CXCL16: variants seen among roughly 807,000 people sequenced by gnomAD.
CXCL16 encodes the protein C-X-C motif chemokine 16.
A neutral mutation model predicts 23.8 loss-of-function variants in CXCL16; 18 were observed. The observed-to-expected ratio is 0.76, with a 90% CI of 0.52 to 1.12. The LOEUF is 1.12. CXCL16 is among the 50% of genes most tolerant of loss of function. The pLI is 0.00. For missense variants in CXCL16, 297 were observed against 315.4 expected (o/e 0.94, Z 0.44); for synonymous variants, 123 against 132.5 (o/e 0.93, Z 0.49).
At chr17:4,737,088 A>T (rs1916175141) in intron 3 of CXCL16, among the ~76,000 whole-genome samples, 1 of 152,080 alleles carries the variant, frequency 6.6e-6, no homozygotes, top group Non-Finnish European at 1.5e-5. Flanking sequence ...AAGAGCTAGG[A>T]TTACAGGAGT....
chr17:4,738,201 G>A lies in CXCL16; in HGVS notation c.301+207C>T, dbSNP rs572975225. Among the ~76,000 whole-genome samples the A allele has an allele frequency of 6.6e-6, 1 of 152,192 alleles. No individual in the cohort carries two copies. Among genetic ancestry groups the A allele is most frequent in the African/African-American group, 2.4e-5 (1 of 41,442 alleles). On this transcript the variant is annotated intron_variant, in intron 3 of 5. Transcript: ENST00000293778. The surrounding 1 kb of genome is among the most constrained non-coding windows in gnomAD (Gnocchi z 4.0). ...TAAGTAGACAATAGCACACGTGGTA[G>A]AATGAATTGGCAAAACTCATGAAGG... is the stretch of plus-strand genomic sequence containing the variant.
At position 4,738,974 on chromosome 17, in the gene CXCL16, C is replaced by A. The variant is rs1013773918; in HGVS notation, c.80-54G>T. The A allele has an allele frequency of 6.3e-7, 1 of 1,592,864 alleles. No homozygotes were observed. Among genetic ancestry groups the A allele is most frequent in the Non-Finnish European group, 8.6e-7 (1 of 1,169,476 alleles). On this transcript the variant is annotated intron_variant, in intron 1 of 5. Coordinates refer to ENST00000293778, the MANE Select transcript of CXCL16 (RefSeq NM_001386809.1). The surrounding 1 kb of genome is among the most constrained non-coding windows in gnomAD (Gnocchi z 4.0). ...ATTCCCAGGCCCAGGGTCCCCACTC[C>A]GCTGTTCCCTGGCATCCAATCCACA...
At chr17:4,734,680 G>A in intron 4 of CXCL16, 28 bp from the exon 5 acceptor site, 1 of 1,584,796 alleles carries the variant, frequency 6.3e-7, no homozygotes, top group Non-Finnish European at 8.7e-7. Context: ...ATTGAGAGAT[G>A]AGCTCTGAGA....
At chr17:4,736,104 G>A (rs1916151717) in intron 3 of CXCL16, among the ~76,000 whole-genome samples, 1 of 151,594 alleles carries the variant, frequency 6.6e-6, no homozygotes, top group South Asian at 2.1e-4. Context: ...GGACAAAAAG[G>A]GTATGATCTA....
At position 4,738,995 on chromosome 17, in the gene CXCL16, C is replaced by G; in HGVS notation, c.80-75G>C. Reference sequence around the variant, plus strand: ...ACTCCGCTGTTCCCTGGCATCCAATCCACAGCCCCATGACAGCCTCTCGGT... The same window carrying G: ...ACTCCGCTGTTCCCTGGCATCCAATGCACAGCCCCATGACAGCCTCTCGGT... On this transcript the variant is annotated intron_variant, in intron 1 of 5. Coordinates refer to ENST00000293778, the MANE Select transcript of CXCL16 (RefSeq NM_001386809.1). The surrounding 1 kb of genome is among the most constrained non-coding windows in gnomAD (Gnocchi z 4.0). 1 of 1,551,328 alleles carries G rather than the reference C, an allele frequency of 6.4e-7. No homozygotes were observed. The highest frequency in any genetic ancestry group is 1.2e-5 in the South Asian group (1 of 83,642).
intron 3 of CXCL16, among the ~76,000 whole-genome samples, chr17:4,737,575 T>TAAAAAAAAAAA (rs55694753): frequency 7.1e-5 from 3 of 42,038 alleles, no homozygotes; most frequent in Non-Finnish European, 1.3e-4. Context: ...AAGACTCCAT[T>TAAAAAAAAAAA]AAAAAAAAAA....
chr17:4,738,619 G>T lies in CXCL16; in HGVS notation c.219-129C>A. 1 of 986,882 alleles carries T rather than the reference G, an allele frequency of 1.0e-6. No homozygotes were observed. The highest frequency in any genetic ancestry group is 1.5e-6 in the Non-Finnish European group (1 of 660,926). The allele number at this position is 986,882 out of a possible 1,614,324, so 61.1% of individuals were successfully genotyped here. A position where few individuals can be genotyped will look rare whatever the true frequency, so the allele number is the denominator to read the frequency against. ...CCTGGGACTGGGAAACTCCCCAGTA[G>T]GTGAGACGGAGTCATGAAGTTTCGG... On this transcript the variant is annotated intron_variant, in intron 2 of 5. Transcript: ENST00000293778. The surrounding 1 kb of genome is among the most constrained non-coding windows in gnomAD (Gnocchi z 4.0).
At chr17:4,736,251 A>G (rs1916154935) in intron 3 of CXCL16, 1 of 60,750 alleles carries the variant, frequency 1.6e-5, no homozygotes, top group Admixed American at 2.1e-4. Flanking sequence ...CTTTATGGCC[A>G]GCTCTCACAG....
chr17:4,734,996 AAGGCC>A, intron 4 of CXCL16, 91 bp downstream of exon 4: 1 of 1,226,400 alleles, frequency 8.2e-7, no homozygotes, highest in Non-Finnish European at 1.1e-6. Context: ...CTTGTGTGCC[AAGGCC>A]AGGTTTCCAG....
intron 3 of CXCL16, chr17:4,736,475 G>T (rs544908600): frequency 5.3e-5 from 8 of 152,342 alleles, no homozygotes; most frequent in African/African-American, 1.9e-4. Flanking sequence ...TCATGAACTG[G>T]GAAATCAGAA....
Position 4,739,352 on chromosome 17 carries a change from C to T in CXCL16, c.-13G>A, listed in dbSNP as rs138561221. 1.2e-5 allele frequency: 20 copies of T among 1,612,938 alleles called. No individual in the cohort carries two copies. The highest frequency in any genetic ancestry group is 1.2e-4 in the South Asian group (11 of 90,988). On this transcript the variant is annotated 5_prime_UTR_variant, in exon 1 of 6. Transcript: ENST00000293778. This position sits in a 1 kb window ranked among gnomAD's most constrained non-coding sequence, Gnocchi z 5.3. ...AGTCCCGTCCCATCTCGGGGCTCCG[C>T]GGACTCTGCGGGGATGGAGCCACCT...
Position 4,734,419 on chromosome 17 carries a change from A to C in CXCL16, c.*84T>G. 1 of 511,514 alleles carries C rather than the reference A, an allele frequency of 2.0e-6. No individual in the cohort carries two copies. Among genetic ancestry groups the C allele is most frequent in the Non-Finnish European group, 3.6e-6 (1 of 278,366 alleles). The allele number at this position is 511,514 out of a possible 1,614,324, so 31.7% of individuals were successfully genotyped here. ...ATAATCCTCGCACCTTCAGAGGCCA[A>C]GGTGGGAGGATCACTTGACTCAGGA... On this transcript the variant is annotated 3_prime_UTR_variant, in exon 6 of 6. Coordinates refer to ENST00000293778, the MANE Select transcript of CXCL16 (RefSeq NM_001386809.1).
At chr17:4,736,077 A>C (rs1916150304) in intron 3 of CXCL16, among the ~76,000 whole-genome samples, 1 of 131,512 alleles carries the variant, frequency 7.6e-6, no homozygotes, top group Admixed American at 8.5e-5. Context: ...TCTCAAAAAA[A>C]AAAAAGAAGT....
rs189927576 is a variant in CXCL16 at position 4,739,473 on chromosome 17, G to A, written c.-134C>T. The A allele has an allele frequency of 9.0e-5, 122 of 1,352,782 alleles. No individual in the cohort carries two copies. In the African/African-American group the frequency reaches 1.5e-3, roughly 16 times the overall value. 83.8% of individuals were successfully genotyped at this position (1,352,782 alleles called of 1,614,324 possible). A position where few individuals can be genotyped will look rare whatever the true frequency, so the allele number is the denominator to read the frequency against. ...GGAGGAGACGGCGGCCGGAGAGGAGGCGCGAGCCAGCTGCACCCCCCGGCC... is the reference window on the plus strand; with the variant it reads ...GGAGGAGACGGCGGCCGGAGAGGAGACGCGAGCCAGCTGCACCCCCCGGCC... On this transcript the variant is annotated 5_prime_UTR_variant, in exon 1 of 6. Transcript: ENST00000293778. The surrounding 1 kb of genome is among the most constrained non-coding windows in gnomAD (Gnocchi z 5.3).
At chr17:4,734,730 A>C (rs1916100513) in intron 4 of CXCL16, 78 bp from the exon 5 acceptor site, 2 of 1,219,790 alleles carry the variant, frequency 1.6e-6, no homozygotes, top group Admixed American at 3.4e-5. Flanking sequence ...TGAACTAGGG[A>C]ATCAGATGAA....
At position 4,734,450 on chromosome 17, in the gene CXCL16, A is replaced by AT. The variant is rs1916089683; in HGVS notation, c.*52dup. ...GAGGATCACTTGACTCAGGAGTTCC[A>AT]TAACAGCCTGGGCAACATAGAGTCC... On this transcript the variant is annotated 3_prime_UTR_variant, in exon 6 of 6. Transcript: ENST00000293778. 1.8e-6 allele frequency: 1 copy of AT among 570,110 alleles called. No homozygotes were observed. The highest frequency in any genetic ancestry group is 1.9e-5 in the African/African-American group (1 of 53,768). 35.3% of individuals were successfully genotyped at this position (570,110 alleles called of 1,614,324 possible).
chr17:4,738,643 G>T lies in CXCL16; in HGVS notation c.218+139C>A. ...AGGTGAGACGGAGTCATGAAGTTTC[G>T]GGGAATGAGAGCAAACGGAACCCGG... On this transcript the variant is annotated intron_variant, in intron 2 of 5. Transcript: ENST00000293778. The surrounding 1 kb of genome is among the most constrained non-coding windows in gnomAD (Gnocchi z 4.0). 1 of 1,054,860 alleles carries T rather than the reference G, an allele frequency of 9.5e-7. No homozygotes were observed. The highest frequency in any genetic ancestry group is 1.4e-6 in the Non-Finnish European group (1 of 725,006). 65.3% of individuals were successfully genotyped at this position (1,054,860 alleles called of 1,614,324 possible).
At chr17:4,737,076 CAA>C (rs1408756785) in intron 3 of CXCL16, among the ~76,000 whole-genome samples, 1 of 151,934 alleles carries the variant, frequency 6.6e-6, no homozygotes, top group Non-Finnish European at 1.5e-5. Context: ...CTCAACCTCC[CAA>C]AGAGCTAGGA....
rs1263435576 is a variant in CXCL16 at position 4,733,616 on chromosome 17, G to C, written c.*887C>G. The C allele has an allele frequency of 6.1e-6, 1 of 163,550 alleles. No homozygotes were observed. The highest frequency in any genetic ancestry group is 1.3e-5 in the Non-Finnish European group (1 of 74,120). 10.1% of individuals were successfully genotyped at this position (163,550 alleles called of 1,614,324 possible). On this transcript the variant is annotated 3_prime_UTR_variant, in exon 6 of 6. Coordinates refer to ENST00000293778, the MANE Select transcript of CXCL16 (RefSeq NM_001386809.1). ...AGCAATAACAATAAAAACAAGATCA[G>C]ACTCTCACTGGGGTAGGCAAGGGAC...
Sources: allele counts gnomAD v4.1 joint callset (sites outside exome capture counted in the v4.1 genomes callset), GRCh38; gene constraint gnomAD v4.1.1; non-coding constraint Gnocchi (gnomAD v3.1); transcripts MANE v1.5; gene names NCBI Gene and HGNC (gene_info 2026-07-23, HGNC 2026-07-21).